ANK3: variants seen among roughly 807,000 people sequenced by gnomAD.
ANK3 encodes ankyrin 3, also known as ankyrin-3.
ANK3 carries 57 observed loss-of-function variants against 370.9 expected under a neutral mutation model. The ratio of observed to expected loss-of-function variants is 0.15; its 90% confidence interval spans 0.12 to 0.19. The LOEUF (loss-of-function observed/expected upper bound fraction) is 0.19. ANK3 is among the 10% of genes least tolerant of loss of function. The probability of loss-of-function intolerance (pLI) is 1.00; values close to 1 mark genes in which losing one functional copy is unlikely to be tolerated. For missense variants in ANK3, 4,439 were observed against 5,302.1 expected (o/e 0.84, Z 5.06); for synonymous variants, 1,929 against 1,946.3 (o/e 0.99, Z 0.23).
chr10:60,703,968 T>C (rs1047885630), intron 1 of ANK3, among the ~76,000 whole-genome samples: 6 of 152,166 alleles, frequency 3.9e-5, no homozygotes, highest in Non-Finnish European at 8.8e-5. Context: ...ACTGATACTG[T>C]GTGACTTCTT....
At chr10:60,549,911 G>C (rs1227012636) in intron 2 of ANK3, among the ~76,000 whole-genome samples, 1 of 152,024 alleles carries the variant, frequency 6.6e-6, no homozygotes, top group Non-Finnish European at 1.5e-5. Context: ...TATTACTCTG[G>C]GTTGTTTGCC....
At chr10:60,348,659 G>A (rs1035231706) in intron 1 of ANK3, among the ~76,000 whole-genome samples, 4 of 152,170 alleles carry the variant, frequency 2.6e-5, no homozygotes, top group Admixed American at 2.6e-4. Context: ...GTATTTGGTA[G>A]CGGCTAACAG....
intron 2 of ANK3, among the ~76,000 whole-genome samples, chr10:60,591,923 C>T (rs1044145704): frequency 2.0e-5 from 3 of 152,006 alleles, no homozygotes; most frequent in Non-Finnish European, 4.4e-5. Context: ...TTACCACAGA[C>T]TTGGAAGGAT....
At chr10:60,546,717 A>C (rs2076971669) in intron 2 of ANK3, among the ~76,000 whole-genome samples, 1 of 152,182 alleles carries the variant, frequency 6.6e-6, no homozygotes, top group South Asian at 2.1e-4. Flanking sequence ...ACACAGAGGA[A>C]AAACAATAAT....
intron 7 of ANK3, among the ~76,000 whole-genome samples, chr10:60,243,516 C>T (rs1441264104): frequency 6.6e-6 from 1 of 152,140 alleles, no homozygotes; most frequent in Non-Finnish European, 1.5e-5. Flanking sequence ...TTGGACTTCC[C>T]AGCCTCCTGA....
At position 60,072,246 on chromosome 10, in the gene ANK3, T is replaced by G. The variant is rs2082855831; in HGVS notation, c.8635A>C (p.Arg2879=). 6.2e-7 allele frequency: 1 copy of G among 1,614,046 alleles called. No individual in the cohort carries two copies. The highest frequency in any genetic ancestry group is 8.5e-7 in the Non-Finnish European group (1 of 1,180,030). Residue 2879 remains arginine, a synonymous_variant, in exon 37 of 44, where the codon AGA becomes CGA. Coordinates refer to ENST00000280772, the MANE Select transcript of ANK3 (RefSeq NM_020987.5). ...TCAGGGTGACCAATGTGATTCTCTC[T>G]TACATCATGAACAAGTACATGCGAA... is the stretch of plus-strand genomic sequence containing the variant. ...KLSHVLVHDV[R]ENHIGHPESK... is the part of the protein sequence containing the mutation.
intron 2 of ANK3, among the ~76,000 whole-genome samples, chr10:60,596,577 C>G (rs915727454): frequency 6.6e-6 from 1 of 151,948 alleles, no homozygotes; most frequent in Non-Finnish European, 1.5e-5. Context: ...TGAGAAGTAC[C>G]GATAGATTTG....
intron 42 of ANK3, chr10:60,053,794 G>T: frequency 8.0e-7 from 1 of 1,249,454 alleles, no homozygotes; most frequent in Non-Finnish European, 1.1e-6. Context: ...CTAGTTGGTT[G>T]CTATTATACT....
intron 25 of ANK3, 85 bp downstream of exon 25, chr10:60,134,186 A>AT (rs1375744550): frequency 1.3e-5 from 14 of 1,104,682 alleles, no homozygotes; most frequent in South Asian, 7.4e-5. Flanking sequence ...GCAGAAATAT[A>AT]TTTTTTGTCA....
At chr10:60,563,677 A>G (rs2077392459) in intron 2 of ANK3, among the ~76,000 whole-genome samples, 1 of 152,186 alleles carries the variant, frequency 6.6e-6, no homozygotes, top group Non-Finnish European at 1.5e-5. Flanking sequence ...GAAGTTAAGG[A>G]AAAAATTTCA....
chr10:60,165,155 G>T (rs1456255793), intron 23 of ANK3, among the ~76,000 whole-genome samples: 1 of 152,136 alleles, frequency 6.6e-6, no homozygotes, highest in Non-Finnish European at 1.5e-5. Flanking sequence ...TTAGGTCTAT[G>T]ATTGTCATAC....
At chr10:60,228,659 A>C (rs2097199910) in intron 8 of ANK3, among the ~76,000 whole-genome samples, 1 of 152,080 alleles carries the variant, frequency 6.6e-6, no homozygotes, top group South Asian at 2.1e-4. Flanking sequence ...TTTTATCTTT[A>C]TCTTTCCTTT....
intron 23 of ANK3, 132 bp downstream of exon 23, chr10:60,166,459 A>T: frequency 1.4e-6 from 1 of 699,934 alleles, no homozygotes; most frequent in Non-Finnish European, 2.4e-6. Flanking sequence ...TTATTTAAAT[A>T]ATACACAAAT....
chr10:60,345,743 A>G (rs576545298), intron 1 of ANK3, among the ~76,000 whole-genome samples: 4 of 152,228 alleles, frequency 2.6e-5, no homozygotes, highest in African/African-American at 7.2e-5. Context: ...TATATTCATT[A>G]AAAATCACGA....
intron 2 of ANK3, among the ~76,000 whole-genome samples, chr10:60,495,858 C>G (rs559748515): frequency 3.3e-5 from 5 of 152,090 alleles, no homozygotes; most frequent in Non-Finnish European, 7.4e-5. Flanking sequence ...CTCCCAAAGG[C>G]TTGTCTTCAA....
At chr10:60,218,864 T>A (rs1206594061) in intron 8 of ANK3, among the ~76,000 whole-genome samples, 1 of 152,140 alleles carries the variant, frequency 6.6e-6, no homozygotes, top group Non-Finnish European at 1.5e-5. Context: ...CTGGATAATA[T>A]CCTGAACTGT....
At chr10:60,470,350 C>T (rs908433516) in intron 2 of ANK3, among the ~76,000 whole-genome samples, 1 of 152,030 alleles carries the variant, frequency 6.6e-6, no homozygotes, top group African/African-American at 2.4e-5. Flanking sequence ...GTTAGATAAC[C>T]ATGACAATAA....
At chr10:60,474,188 G>T (rs2074994936) in intron 2 of ANK3, among the ~76,000 whole-genome samples, 1 of 152,038 alleles carries the variant, frequency 6.6e-6, no homozygotes, top group Non-Finnish European at 1.5e-5. Context: ...TTTCAAGCTT[G>T]CTACAGTTAG....
chr10:60,181,304 C>T lies in ANK3; in HGVS notation c.2184+25G>A, dbSNP rs138282782. 1.3e-3 allele frequency: 2,038 copies of T among 1,601,982 alleles called. 1 individual carries two copies. The highest frequency in any genetic ancestry group is 1.5e-3 in the Non-Finnish European group (1,747 of 1,169,134). ...GTCACCAAATGGACACATTCTTTTC[C>T]GTGTGGCAAGGGAGGGCCGTATACC... On this transcript the variant is annotated intron_variant, in intron 18 of 43. Coordinates refer to ENST00000280772, the MANE Select transcript of ANK3 (RefSeq NM_020987.5).
Sources: allele counts gnomAD v4.1 joint callset (sites outside exome capture counted in the v4.1 genomes callset), GRCh38; gene constraint gnomAD v4.1.1; transcripts MANE v1.5; gene names NCBI Gene and HGNC (gene_info 2026-07-23, HGNC 2026-07-21).